PLEKHA6: variants seen among roughly 807,000 people sequenced by gnomAD.
PLEKHA6 encodes pleckstrin homology domain-containing family A member 6.
In PLEKHA6, 60 loss-of-function variants were observed where a neutral mutation model predicts 116.7. The observed-to-expected ratio is 0.51, with a 90% CI of 0.42 to 0.64. The LOEUF is 0.64. Ranked by LOEUF, PLEKHA6 falls within the 30% of genes least tolerant of loss-of-function variation. The pLI, the probability that PLEKHA6 is intolerant of heterozygous loss-of-function variation, is 0.00. For synonymous variants in PLEKHA6, 489 were observed against 556.1 expected (o/e 0.88, Z 1.70); for missense variants, 1,338 against 1,422.7 (o/e 0.94, Z 0.96).
Position 204,238,521 on chromosome 1 carries a change from C to T in PLEKHA6, c.2409+2854G>A, listed in dbSNP as rs1431947123. 6.6e-6 allele frequency among the ~76,000 whole-genome samples: 1 copy of T among 152,170 alleles called. No individual in the cohort carries two copies. The highest frequency in any genetic ancestry group is 6.5e-5 in the Admixed American group (1 of 15,278). ...CAGGGTGCTTTCTGACCCATCTAGC[C>T]ATAAAGTGGGTGGTGCACAGCAGCA... On this transcript the variant is annotated intron_variant, in intron 17 of 22. Transcript: ENST00000272203. The surrounding 1 kb of genome is among the most constrained non-coding windows in gnomAD (Gnocchi z 4.2).
At chr1:204,267,611 G>T in intron 4 of PLEKHA6, 64 bp from the exon 5 acceptor site, 2 of 1,381,486 alleles carry the variant, frequency 1.4e-6, no homozygotes, top group Non-Finnish European at 2.1e-6. Flanking sequence ...GAGATGGGAT[G>T]CAGGGAAAAG....
intron 4 of PLEKHA6, 151 bp downstream of exon 4, chr1:204,268,057 T>C (rs1342708659): frequency 1.8e-6 from 1 of 546,430 alleles, no homozygotes; most frequent in Non-Finnish European, 3.2e-6. Context: ...ACTCAGTTTC[T>C]CTGAGCCTTT....
At chr1:204,231,190 A>G (rs1661137974) in intron 17 of PLEKHA6, among the ~76,000 whole-genome samples, 1 of 152,234 alleles carries the variant, frequency 6.6e-6, no homozygotes, top group Non-Finnish European at 1.5e-5. Context: ...GCTAACGGGT[A>G]GAGGTTGGGA....
chr1:204,328,369 A>G (rs1171157567), intron 1 of PLEKHA6, among the ~76,000 whole-genome samples: 1 of 144,526 alleles, frequency 6.9e-6, no homozygotes, highest in Non-Finnish European at 1.5e-5. Context: ...GGCGTGAGCC[A>G]TTGCACCCAA....
At chr1:204,367,047 C>T (rs1207630569) in intron 3 of PLEKHA6, among the ~76,000 whole-genome samples, 1 of 152,356 alleles carries the variant, frequency 6.6e-6, no homozygotes, top group South Asian at 2.1e-4. Context: ...GTGAGGCCCA[C>T]AGGCCTGGGC....
At chr1:204,286,216 G>A (rs1315394087) in intron 1 of PLEKHA6, among the ~76,000 whole-genome samples, 2 of 152,164 alleles carry the variant, frequency 1.3e-5, no homozygotes, top group Non-Finnish European at 2.9e-5. Context: ...TCAGAGGAAC[G>A]GAAGAGGTGC....
At chr1:204,312,322 C>T (rs1022402424) in intron 1 of PLEKHA6, among the ~76,000 whole-genome samples, 3 of 152,256 alleles carry the variant, frequency 2.0e-5, no homozygotes, top group Non-Finnish European at 4.4e-5. Context: ...AGCAATCCTA[C>T]TGTCCCTCTC....
chr1:204,265,068 G>C (rs1418924209), intron 5 of PLEKHA6, 26 bp from the exon 6 acceptor site: 1 of 1,277,122 alleles, frequency 7.8e-7, no homozygotes, highest in African/African-American at 1.5e-5. Flanking sequence ...GCACAAGAAG[G>C]GTGTGTGTGT....
At chr1:204,251,706 A>G (rs1331997575) in intron 9 of PLEKHA6, 1 of 648,794 alleles carries the variant, frequency 1.5e-6, no homozygotes, top group Non-Finnish European at 2.8e-6. Flanking sequence ...GAAACAGGGG[A>G]GGGCAGCTCC....
chr1:204,271,469 A>C (rs948685150), intron 3 of PLEKHA6, among the ~76,000 whole-genome samples: 6 of 152,210 alleles, frequency 3.9e-5, no homozygotes, highest in Non-Finnish European at 7.3e-5. Context: ...TTACTAACAA[A>C]AATACACATA....
chr1:204,337,261 C>T (rs1672681142), intron 1 of PLEKHA6, among the ~76,000 whole-genome samples: 1 of 152,124 alleles, frequency 6.6e-6, no homozygotes, highest in African/African-American at 2.4e-5. Flanking sequence ...CCTTCCCAGG[C>T]AATGCTTCAG....
chr1:204,275,563 G>C (rs961731561), intron 1 of PLEKHA6: 1 of 276,976 alleles, frequency 3.6e-6, no homozygotes, highest in African/African-American at 2.3e-5. Flanking sequence ...AGGTGCAGAG[G>C]CAGATGGGGA....
intron 1 of PLEKHA6, among the ~76,000 whole-genome samples, chr1:204,352,909 T>C (rs977934038): frequency 6.6e-6 from 1 of 152,156 alleles, no homozygotes; most frequent in Non-Finnish European, 1.5e-5. Flanking sequence ...TGCATGAGCC[T>C]AGGAGGTGGA....
chr1:204,285,877 C>G (rs1669113635), intron 1 of PLEKHA6, among the ~76,000 whole-genome samples: 1 of 152,194 alleles, frequency 6.6e-6, no homozygotes, highest in African/African-American at 2.4e-5. Context: ...CTGTTCCTCC[C>G]TCCTGCTTTC....
At chr1:204,339,518 A>C (rs925480967) in intron 1 of PLEKHA6, among the ~76,000 whole-genome samples, 1 of 152,206 alleles carries the variant, frequency 6.6e-6, no homozygotes, top group African/African-American at 2.4e-5. Context: ...GGAGAGGGAG[A>C]GGAGGGAATC....
intron 12 of PLEKHA6, among the ~76,000 whole-genome samples, chr1:204,248,025 A>T (rs1322952739): frequency 1.3e-5 from 2 of 151,980 alleles, no homozygotes; most frequent in African/African-American, 4.8e-5. Flanking sequence ...TTCAGAGGTT[A>T]GAGAGCTTCC....
At chr1:204,363,810 C>T (rs1175629404), upstream of PLEKHA6, among the ~76,000 whole-genome samples, 2 of 152,178 alleles carry the variant, frequency 1.3e-5, no homozygotes, top group African/African-American at 4.8e-5. Context: ...CCCCTGAAAG[C>T]CTTGTGGGGC....
chr1:204,289,204 A>G (rs1669500361), intron 1 of PLEKHA6, among the ~76,000 whole-genome samples: 1 of 152,220 alleles, frequency 6.6e-6, no homozygotes, highest in Admixed American at 6.5e-5. Flanking sequence ...GCCTATATTT[A>G]TTGAGCATTT....
At position 204,290,034 on chromosome 1, in the gene PLEKHA6, G is replaced by T. The variant is rs143980047; in HGVS notation, c.-94-15225C>A. Among the ~76,000 whole-genome samples, 519 of 152,270 alleles carry T rather than the reference G, an allele frequency of 3.4e-3. 1 individual carries two copies. Among genetic ancestry groups the T allele is most frequent in the African/African-American group, 0.012 (481 of 41,550 alleles). On this transcript the variant is annotated intron_variant, in intron 1 of 22. Transcript: ENST00000272203. ...ACTATAAAACATTGCTGAAAGAAGT[G>T]AAATAAAATCCAAATAAAAGGAGAA...
Sources: gnomAD v4.1 joint callset for allele counts (sites outside exome capture counted in the v4.1 genomes callset) on GRCh38, gnomAD v4.1.1 for gene constraint, Gnocchi (gnomAD v3.1) non-coding constraint, MANE v1.5 for transcripts, NCBI Gene and HGNC (gene_info 2026-07-23, HGNC 2026-07-21) for gene names.